Variants in OPTN observed in about 807,000 individuals in gnomAD.
OPTN encodes the protein E3-14.7K-interacting protein.
In OPTN, 54 loss-of-function variants were observed where a neutral mutation model predicts 70.4. The observed-to-expected ratio is 0.77, with a 90% CI of 0.62 to 0.96. The LOEUF is 0.96. Ranked by LOEUF, OPTN falls within the 40% of genes least tolerant of loss-of-function variation. OPTN has a pLI of 0.00. For missense variants in OPTN, 624 were observed against 673.2 expected (o/e 0.93, Z 0.81); for synonymous variants, 256 against 248.5 (o/e 1.03, Z -0.28).
chr10:13,117,867 G>A (rs1490134299), intron 6 of OPTN, among the ~76,000 whole-genome samples: 1 of 152,212 alleles, frequency 6.6e-6, no homozygotes, highest in Non-Finnish European at 1.5e-5. Context: ...AAGGAAGAAA[G>A]TAAGTATTAG....
At chr10:13,134,929 G>A (rs1356421790) in intron 14 of OPTN, among the ~76,000 whole-genome samples, 2 of 152,188 alleles carry the variant, frequency 1.3e-5, no homozygotes, top group Non-Finnish European at 2.9e-5. Flanking sequence ...TATGCTGGGA[G>A]TCAGAGAGCA....
chr10:13,130,424 CAAAAAAA>C (rs1178080754), intron 12 of OPTN, among the ~76,000 whole-genome samples: 22 of 51,756 alleles, frequency 4.3e-4, no homozygotes, highest in African/African-American at 1.4e-3. Context: ...GACTCTATCT[CAAAAAAA>C]AAAAAAAAAA....
chr10:13,116,484 T>C (rs754101328), intron 6 of OPTN, 144 bp downstream of exon 6: 84 of 712,792 alleles, frequency 1.2e-4, no homozygotes, highest in Admixed American at 5.2e-4. Context: ...ATATTTGGTT[T>C]GAATGCTATT....
intron 1 of OPTN, among the ~76,000 whole-genome samples, chr10:13,106,250 T>G (rs572783278): frequency 9.2e-5 from 14 of 152,334 alleles, no homozygotes; most frequent in African/African-American, 3.4e-4. Flanking sequence ...GCAAATTAGG[T>G]AGGAACACTG....
At chr10:13,122,769 C>G in intron 8 of OPTN, 2 of 361,010 alleles carry the variant, frequency 5.5e-6, no homozygotes. Flanking sequence ...CTCCGCCTCC[C>G]AGGTTCAAGC....
intron 5 of OPTN, among the ~76,000 whole-genome samples, chr10:13,113,872 A>C (rs1833064761): frequency 1.3e-5 from 2 of 152,034 alleles, no homozygotes; most frequent in African/African-American, 4.8e-5. Flanking sequence ...AGCCTGGGCA[A>C]CCTGGCGAAA....
intron 4 of OPTN, among the ~76,000 whole-genome samples, chr10:13,111,907 G>GCGC (rs1460284533): frequency 8.0e-5 from 11 of 138,048 alleles, no homozygotes; most frequent in African/African-American, 1.6e-4. Flanking sequence ...GAGTACAGTG[G>GCGC]CATAATCTCG....
At chr10:13,106,893 C>T (rs1181774531) in intron 1 of OPTN, among the ~76,000 whole-genome samples, 8 of 152,196 alleles carry the variant, frequency 5.3e-5, no homozygotes, top group Admixed American at 4.6e-4. Context: ...AGGGTTCACA[C>T]AGGCTCCATA....
intron 11 of OPTN, among the ~76,000 whole-genome samples, chr10:13,126,343 C>T (rs995625106): frequency 6.7e-6 from 1 of 148,454 alleles, no homozygotes; most frequent in African/African-American, 2.5e-5. Flanking sequence ...TGCAGTGGCG[C>T]GATCTCGGCT....
rs71386161 is a variant in OPTN at position 13,136,505 on chromosome 10, CAAAAAAAAAAA to C, written c.1613-226_1613-216del. Among the ~76,000 whole-genome samples, 155 of 72,866 alleles carry C rather than the reference CAAAAAAAAAAA, an allele frequency of 2.1e-3. 1 individual carries two copies. Among genetic ancestry groups the C allele is most frequent in the African/African-American group, 7.3e-3 (136 of 18,624 alleles). 47.8% of individuals were successfully genotyped at this position (72,866 alleles called of 152,430 possible). ...CCTGGGTGACAGCGAGACTCCGTCT[CAAAAAAAAAAA>C]AAAAAAAAAAAAATCCTAAAATAAT... is the stretch of plus-strand genomic sequence containing the variant. On this transcript the variant is annotated intron_variant, in intron 14 of 14. Transcript: ENST00000378747.
chr10:13,102,947 T>A (rs200507530), intron 1 of OPTN, among the ~76,000 whole-genome samples: 117 of 146,966 alleles, frequency 8.0e-4, no homozygotes, highest in South Asian at 4.8e-3. Flanking sequence ...AGTCTTAATT[T>A]AAAAAAAAAA....
At chr10:13,114,778 T>TTATATATACGTA (rs1564358643) in intron 5 of OPTN, among the ~76,000 whole-genome samples, 5 of 100,340 alleles carry the variant, frequency 5.0e-5, no homozygotes, top group African/African-American at 8.3e-5. Context: ...AATTATATAA[T>TTATATATACGTA]TATATAATTA....
chr10:13,100,936 C>T (rs183655006), intron 1 of OPTN, among the ~76,000 whole-genome samples: 3 of 152,330 alleles, frequency 2.0e-5, no homozygotes, highest in Admixed American at 1.3e-4. Context: ...TGGAAATGTA[C>T]ACCAAGGAAC....
At chr10:13,116,972 C>T (rs558653143) in intron 6 of OPTN, among the ~76,000 whole-genome samples, 2 of 152,194 alleles carry the variant, frequency 1.3e-5, no homozygotes, top group East Asian at 1.9e-4. Context: ...TCTTGACTCT[C>T]GCAAAGCAGT....
chr10:13,103,293 C>T (rs912919079), intron 1 of OPTN, among the ~76,000 whole-genome samples: 4 of 152,214 alleles, frequency 2.6e-5, no homozygotes, highest in Non-Finnish European at 4.4e-5. Flanking sequence ...ACTCTTGTCT[C>T]TGGTCAAAAA....
Position 13,110,327 on chromosome 10 carries a change from G to T in OPTN, c.220G>T (p.Ala74Ser). 1 of 1,614,126 alleles carries T rather than the reference G, an allele frequency of 6.2e-7. No individual in the cohort carries two copies. Among genetic ancestry groups the T allele is most frequent in the Non-Finnish European group, 8.5e-7 (1 of 1,180,042 alleles). Reference sequence around the variant, plus strand: ...GAAAGGGAGATTTGAGGAGCTTTCGGCCTGGACAGAGAAACAGAAGGAAGA... The same window carrying T: ...GAAAGGGAGATTTGAGGAGCTTTCGTCCTGGACAGAGAAACAGAAGGAAGA... Reference protein sequence around the residue: ...AMKGRFEELSAWTEKQKEERQ... With the variant: ...AMKGRFEELSSWTEKQKEERQ... Residue 74 changes from alanine (A) to serine (S), a missense_variant, in exon 4 of 15, where the codon GCC (alanine) becomes TCC (serine). Coordinates refer to ENST00000378747, the MANE Select transcript of OPTN (RefSeq NM_001008212.2).
intron 7 of OPTN, among the ~76,000 whole-genome samples, chr10:13,121,501 A>T (rs939448694): frequency 1.6e-4 from 1 of 6,088 alleles, no homozygotes; most frequent in African/African-American, 6.1e-4. Flanking sequence ...ATTATCCTGT[A>T]AAAAAAAAAA....
At chr10:13,101,491 G>C (rs560022949) in intron 1 of OPTN, among the ~76,000 whole-genome samples, 3 of 141,436 alleles carry the variant, frequency 2.1e-5, no homozygotes, top group African/African-American at 5.4e-5. Context: ...CCTTACTTAG[G>C]TAGAGGCGCA....
chr10:13,117,300 T>C (rs931432107), intron 6 of OPTN, among the ~76,000 whole-genome samples: 1 of 151,790 alleles, frequency 6.6e-6, no homozygotes, highest in East Asian at 1.9e-4. Context: ...CAGGATGGTC[T>C]CGATCTCCTG....
Sources: allele counts gnomAD v4.1 joint callset (sites outside exome capture counted in the v4.1 genomes callset), GRCh38; gene constraint gnomAD v4.1.1; transcripts MANE v1.5; gene names NCBI Gene and HGNC (gene_info 2026-07-23, HGNC 2026-07-21).